The following SUSD5 variants were observed in gnomAD, a reference collection of about 807,000 sequenced individuals.
SUSD5 encodes sushi domain-containing protein 5.
SUSD5 carries 33 observed loss-of-function variants against 29.5 expected under a neutral mutation model. The ratio of observed to expected loss-of-function variants is 1.12; its 90% CI spans 0.85 to 1.49. The LOEUF is 1.49. Ranked by LOEUF, SUSD5 falls within the 40% of genes most tolerant of loss-of-function variation. The probability of loss-of-function intolerance (pLI) is 0.00; values close to 1 mark genes in which losing one functional copy is unlikely to be tolerated. For missense variants in SUSD5, 776 were observed against 800.6 expected (o/e 0.97, Z 0.37); for synonymous variants, 308 against 325.3 (o/e 0.95, Z 0.57).
chr3:33,159,722 CACAA>C (rs748279655), intron 4 of SUSD5, among the ~76,000 whole-genome samples: 6 of 146,454 alleles, frequency 4.1e-5, no homozygotes, highest in East Asian at 4.1e-4. Context: ...CACACACACA[CACAA>C]ACACAAACAT....
intron 1 of SUSD5, among the ~76,000 whole-genome samples, chr3:33,216,824 A>G (rs958411414): frequency 2.0e-5 from 3 of 152,190 alleles, no homozygotes; most frequent in South Asian, 4.1e-4. Context: ...TTTAGTACCA[A>G]AAAGAATCCT....
rs202037192 is a variant in SUSD5, at chr3:33,197,742, CT to C, written c.409+10065del. Among the ~76,000 whole-genome samples the C allele has an allele frequency of 3.9e-3, 586 of 152,176 alleles. 3 individuals are homozygous for C. The highest frequency in any genetic ancestry group is 0.013 in the African/African-American group (551 of 41,528). On this transcript the variant is annotated intron_variant, in intron 3 of 4. Transcript: ENST00000309558. Reference sequence around the variant, plus strand: ...TACAGTATGTATATTTTGTGTTTGACTTTTTTTCATTTAGCTTAATATATAG... The same window carrying C: ...TACAGTATGTATATTTTGTGTTTGACTTTTTTCATTTAGCTTAATATATAG...
rs200516593 is a variant in SUSD5, at chr3:33,213,937, C to T, written c.281G>A (p.Gly94Asp). The change falls in exon 2 of 5, where the codon GGT becomes GAT. Residue 94 changes from glycine to aspartate, a missense_variant. Transcript: ENST00000309558. ...AVCTTGWLAD[G>D]TLGTTVCSKG... is the part of the protein sequence containing the mutation. ...TGCTCGCCTAACTTACCCAAGAGTA[C>T]CATCTGCTAGCCAGCCAGTGGTGCA... 25 of 1,598,600 alleles carry T rather than the reference C, an allele frequency of 1.6e-5. No homozygotes were observed. The highest frequency in any genetic ancestry group is 5.2e-5 in the Admixed American group (3 of 58,230).
chr3:33,164,259 T>C (rs1424550317), intron 4 of SUSD5, among the ~76,000 whole-genome samples: 2 of 152,186 alleles, frequency 1.3e-5, no homozygotes, highest in Non-Finnish European at 2.9e-5. Context: ...ACAGTGTGAT[T>C]CCACTTACAT....
chr3:33,204,627 A>ATTTTGTTTTGTTTTG lies in SUSD5; in HGVS notation c.409+3166_409+3180dup, dbSNP rs72112093. On this transcript the variant is annotated intron_variant, in intron 3 of 4. Transcript: ENST00000309558. The surrounding 1 kb of genome is among the most constrained non-coding windows in gnomAD (Gnocchi z 4.5). Reference sequence around the variant, plus strand: ...TGAGCCACCACACCCGGCCTGTTTTATTTTGTTTTGTTTTGTTTTGTTTTG... The same window carrying ATTTTGTTTTGTTTTG: ...TGAGCCACCACACCCGGCCTGTTTTATTTTGTTTTGTTTTGTTTTGTTTTGTTTTGTTTTGTTTTG... 3.4e-4 allele frequency among the ~76,000 whole-genome samples: 50 copies of ATTTTGTTTTGTTTTG among 147,950 alleles called. No homozygotes were observed. Among genetic ancestry groups the ATTTTGTTTTGTTTTG allele is most frequent in the African/African-American group, 1.0e-3 (40 of 39,838 alleles).
intron 3 of SUSD5, among the ~76,000 whole-genome samples, chr3:33,203,019 G>A (rs969913752): frequency 2.0e-5 from 3 of 152,166 alleles, no homozygotes; most frequent in Admixed American, 2.0e-4. Context: ...GCAAGCTTTG[G>A]AGGAATACTG....
intron 3 of SUSD5, among the ~76,000 whole-genome samples, chr3:33,185,565 A>G (rs919038126): frequency 1.3e-5 from 2 of 152,154 alleles, no homozygotes; most frequent in African/African-American, 4.8e-5. Flanking sequence ...TGTTTCTCCA[A>G]TTCTAGGGAC....
chr3:33,158,764 C>T (rs1372237888), intron 4 of SUSD5, among the ~76,000 whole-genome samples: 1 of 152,208 alleles, frequency 6.6e-6, no homozygotes, highest in African/African-American at 2.4e-5. Flanking sequence ...GGCCCCCTTT[C>T]ATGAGGGGTA....
At chr3:33,205,664 T>C (rs959013506) in intron 3 of SUSD5, among the ~76,000 whole-genome samples, 4 of 152,326 alleles carry the variant, frequency 2.6e-5, no homozygotes, top group Middle Eastern at 3.4e-3. Context: ...CGATGGTCTG[T>C]GAGGTGGAAA....
chr3:33,171,613 C>T (rs1473962802), intron 4 of SUSD5, among the ~76,000 whole-genome samples: 8 of 152,294 alleles, frequency 5.3e-5, no homozygotes, highest in Admixed American at 5.2e-4. Flanking sequence ...CATGCAGCAG[C>T]AGAAATTTGA....
chr3:33,179,263 CT>C (rs936289668), intron 3 of SUSD5, among the ~76,000 whole-genome samples: 2 of 151,962 alleles, frequency 1.3e-5, no homozygotes, highest in South Asian at 2.1e-4. Context: ...GATGTCCCCT[CT>C]TTTTTTTAAA....
intron 3 of SUSD5, among the ~76,000 whole-genome samples, chr3:33,192,995 A>G (rs1054944794): frequency 1.3e-4 from 13 of 98,592 alleles, no homozygotes; most frequent in Non-Finnish European, 2.9e-4. Flanking sequence ...TTTGCACTGA[A>G]GTACTTGTCT....
At chr3:33,180,076 T>A (rs1382524762) in intron 3 of SUSD5, among the ~76,000 whole-genome samples, 1 of 152,264 alleles carries the variant, frequency 6.6e-6, no homozygotes. Context: ...GTTACTGGTT[T>A]ATATATTTAC....
At position 33,205,000 on chromosome 3, in the gene SUSD5, C is replaced by G. The variant is rs1300824958; in HGVS notation, c.409+2808G>C. Among the ~76,000 whole-genome samples the G allele has an allele frequency of 6.6e-6, 1 of 152,054 alleles. No individual in the cohort carries two copies. Among genetic ancestry groups the G allele is most frequent in the Non-Finnish European group, 1.5e-5 (1 of 68,010 alleles). On this transcript the variant is annotated intron_variant, in intron 3 of 4. Transcript: ENST00000309558. This position sits in a 1 kb window ranked among gnomAD's most constrained non-coding sequence, Gnocchi z 4.5. ...TTCCTCTCTCCACACCACACACACA[C>G]ACGTGTGTGTGTATACATATATATA... is the stretch of plus-strand genomic sequence containing the variant.
At chr3:33,154,107 T>G in intron 4 of SUSD5, 74 bp from the exon 5 acceptor site, 1 of 1,244,184 alleles carries the variant, frequency 8.0e-7, no homozygotes, top group East Asian at 2.5e-5. Context: ...GAAAAGGAAA[T>G]TAAAAGCATA....
chr3:33,213,811 G>T, intron 2 of SUSD5, 117 bp downstream of exon 2: 1 of 1,082,862 alleles, frequency 9.2e-7, no homozygotes, highest in Non-Finnish European at 1.3e-6. Flanking sequence ...ACATGAACAC[G>T]CTACTGCCCA....
intron 3 of SUSD5, among the ~76,000 whole-genome samples, chr3:33,200,799 T>C (rs1250194357): frequency 1.3e-5 from 2 of 152,168 alleles, no homozygotes; most frequent in Non-Finnish European, 2.9e-5. Context: ...TGTTATAAAA[T>C]GGCAAAGAAC....
chr3:33,178,448 TGTTG>T (rs1559449535), intron 3 of SUSD5, among the ~76,000 whole-genome samples: 1 of 140,870 alleles, frequency 7.1e-6, no homozygotes, highest in Non-Finnish European at 1.6e-5. Context: ...TTTTTTTTGT[TGTTG>T]TTTTGTTTTT....
intron 4 of SUSD5, among the ~76,000 whole-genome samples, chr3:33,157,984 T>TG (rs61207636): frequency 0.13 from 19,952 of 152,308 alleles, 1,563 homozygotes; most frequent in South Asian, 0.22. Context: ...ATGAGCTGCT[T>TG]GGGGAGCAGG....
Sources: allele counts gnomAD v4.1 joint callset (sites outside exome capture counted in the v4.1 genomes callset), GRCh38; gene constraint gnomAD v4.1.1; non-coding constraint Gnocchi (gnomAD v3.1); transcripts MANE v1.5; gene names NCBI Gene and HGNC (gene_info 2026-07-23, HGNC 2026-07-21).